Variants in CPEB4 observed in about 807,000 individuals in gnomAD.
CPEB4 encodes cytoplasmic polyadenylation element-binding protein 4.
A neutral mutation model predicts 72.5 loss-of-function variants in CPEB4; 12 were observed. That is an observed-to-expected ratio of 0.17 (90% CI 0.11 to 0.27). The LOEUF (loss-of-function observed/expected upper bound fraction) is 0.27. Among genes scored for constraint, CPEB4 ranks in the 10% least tolerant of loss-of-function variants. CPEB4 has a pLI of 1.00. For synonymous variants in CPEB4, 302 were observed against 326.3 expected, an observed-to-expected ratio of 0.93 and a Z score of 0.80; for missense variants, 614 against 908.5, an observed-to-expected ratio of 0.68 and a Z score of 4.17.
At chr5:173,905,374 C>T (rs142768255) in intron 1 of CPEB4, among the ~76,000 whole-genome samples, 7 of 151,274 alleles carry the variant, frequency 4.6e-5, no homozygotes, top group East Asian at 1.9e-4. Context: ...CTCGCTCTAA[C>T]GCCAGGCTGG....
intron 1 of CPEB4, among the ~76,000 whole-genome samples, chr5:173,901,718 A>G (rs1023937331): frequency 3.3e-5 from 5 of 152,218 alleles, no homozygotes; most frequent in African/African-American, 1.2e-4. Flanking sequence ...AAATGACAGT[A>G]CTGACTTCAT....
At position 173,889,408 on chromosome 5, in the gene CPEB4, A is replaced by C. The variant is rs1755723456; in HGVS notation, c.-326A>C. Reference sequence around the variant, plus strand: ...AGCTCTGTTTTTGTCATTCATGTACATTTTCCTTTGGAAAAAGAAAGCGCC... The same window carrying C: ...AGCTCTGTTTTTGTCATTCATGTACCTTTTCCTTTGGAAAAAGAAAGCGCC... On this transcript the variant is annotated 5_prime_UTR_variant, in exon 1 of 10. Transcript: ENST00000265085. 1 of 209,226 alleles carries C rather than the reference A, an allele frequency of 4.8e-6. No individual in the cohort carries two copies. The highest frequency in any genetic ancestry group is 9.5e-6 in the Non-Finnish European group (1 of 104,910). The allele number at this position is 209,226 out of a possible 1,614,324, so 13.0% of individuals were successfully genotyped here.
At chr5:173,916,316 C>A (rs1401737534) in intron 2 of CPEB4, among the ~76,000 whole-genome samples, 1 of 152,190 alleles carries the variant, frequency 6.6e-6, no homozygotes, top group African/African-American at 2.4e-5. Context: ...CACAATTCCT[C>A]TGAGTTTCAG....
chr5:173,927,261 T>A (rs1757275046), intron 2 of CPEB4, among the ~76,000 whole-genome samples: 1 of 152,198 alleles, frequency 6.6e-6, no homozygotes, highest in African/African-American at 2.4e-5. Flanking sequence ...TTATTATACT[T>A]TACTTATGAA....
Position 173,954,572 on chromosome 5 carries a change from C to T in CPEB4, c.1962+1300C>T, listed in dbSNP as rs183404010. 1.0e-3 allele frequency among the ~76,000 whole-genome samples: 154 copies of T among 152,232 alleles called. 1 individual carries two copies. Among genetic ancestry groups the T allele is most frequent in the Non-Finnish European group, 1.7e-3 (115 of 68,014 alleles). ...ATTTTTAGTGGAGACAGGGTTTCAC[C>T]GTGTTGGTCAGGCCAGTTTCAAACT... On this transcript the variant is annotated intron_variant, in intron 9 of 9. Coordinates refer to ENST00000265085, the MANE Select transcript of CPEB4 (RefSeq NM_030627.4).
chr5:173,916,799 A>G (rs1354148927), intron 2 of CPEB4, among the ~76,000 whole-genome samples: 3 of 152,238 alleles, frequency 2.0e-5, no homozygotes, highest in African/African-American at 7.2e-5. Context: ...AAAGTTTAGT[A>G]CACAAAGCTT....
At chr5:173,913,546 A>G (rs761978255) in intron 2 of CPEB4, among the ~76,000 whole-genome samples, 29 of 152,208 alleles carry the variant, frequency 1.9e-4, no homozygotes, top group Admixed American at 3.9e-4. Context: ...CTTGGCCATC[A>G]GTTTTAGCCA....
At chr5:173,909,533 T>A (rs1325391794) in intron 1 of CPEB4, among the ~76,000 whole-genome samples, 2 of 774 alleles carry the variant, frequency 2.6e-3, no homozygotes, top group African/African-American at 4.1e-3. Flanking sequence ...TCTACGAAAT[T>A]TTTTTTTTTT....
At chr5:173,926,269 T>C (rs115152659) in intron 2 of CPEB4, among the ~76,000 whole-genome samples, 35 of 152,366 alleles carry the variant, frequency 2.3e-4, no homozygotes, top group African/African-American at 8.2e-4. Flanking sequence ...GTAATACTTA[T>C]ATATACTGCT....
intron 5 of CPEB4, among the ~76,000 whole-genome samples, chr5:173,947,620 T>G (rs755548528): frequency 6.6e-6 from 1 of 152,024 alleles, no homozygotes; most frequent in African/African-American, 2.4e-5. Flanking sequence ...GAAAAACCCA[T>G]GAAATGTTGG....
intron 1 of CPEB4, among the ~76,000 whole-genome samples, chr5:173,903,049 T>G (rs1267104440): frequency 2.8e-5 from 4 of 144,514 alleles, no homozygotes; most frequent in East Asian, 3.9e-4. Context: ...AGATATTCCA[T>G]GTAGCTGAAT....
chr5:173,905,010 TAATAATAAA>T (rs150640320), intron 1 of CPEB4, among the ~76,000 whole-genome samples: 23,768 of 133,018 alleles, frequency 0.18, 2,299 homozygotes, highest in Non-Finnish European at 0.22. Context: ...ATAATAATAA[TAATAATAAA>T]AAAATGTAAC....
chr5:173,890,028 A>C lies in CPEB4; in HGVS notation c.295A>C (p.Ser99Arg), dbSNP rs762984580. The C allele has an allele frequency of 6.2e-7, 1 of 1,614,222 alleles. No homozygotes were observed. Among genetic ancestry groups the C allele is most frequent in the Non-Finnish European group, 8.5e-7 (1 of 1,180,030 alleles). ...CTTAGAAAAGCAGCAGCTTTCCCCA[A>C]GTCCAGGTCAGGAAGCTGGAATACT... ...DPLEKQQLSP[S>R]PGQEAGILPE... Residue 99 changes from serine to arginine, a missense_variant, in exon 1 of 10, where the codon AGT (serine) becomes CGT (arginine). Around this residue, in one of 5 missense-constraint regions of CPEB4, gnomAD observed 458 missense variants for 548.6 expected, o/e 0.83. Transcript: ENST00000265085.
rs547833435 is a variant in CPEB4 at position 173,888,413 on chromosome 5, TGGC to T, written c.-1305_-1303del. The T allele has an allele frequency of 1.7e-4, 77 of 443,258 alleles. No homozygotes were observed. Among genetic ancestry groups the T allele is most frequent in the South Asian group, 7.0e-4 (12 of 17,234 alleles). 27.5% of individuals were successfully genotyped at this position (443,258 alleles called of 1,614,324 possible). A position where few individuals can be genotyped will look rare whatever the true frequency, so the allele number is the denominator to read the frequency against. On this transcript the variant is annotated 5_prime_UTR_variant, in exon 1 of 10. Coordinates refer to ENST00000265085, the MANE Select transcript of CPEB4 (RefSeq NM_030627.4). This position sits in a 1 kb window ranked among gnomAD's most constrained non-coding sequence, Gnocchi z 4.3. ...GCGGGACCCGGGCACCGGGAGGCGG[TGGC>T]GGCGGCGGCGGCGGCAGCAGCGGCG... is the stretch of plus-strand genomic sequence containing the variant.
intron 1 of CPEB4, among the ~76,000 whole-genome samples, chr5:173,896,921 A>G (rs1283094186): frequency 2.0e-5 from 3 of 152,198 alleles, no homozygotes; most frequent in Admixed American, 1.3e-4. Flanking sequence ...CACTTTTTCT[A>G]AAATATGATA....
chr5:173,920,898 C>T (rs1757049415), intron 2 of CPEB4, among the ~76,000 whole-genome samples: 3 of 152,166 alleles, frequency 2.0e-5, no homozygotes, highest in Admixed American at 2.0e-4. Flanking sequence ...GTCTAAACTA[C>T]ATCTTTTCTT....
At chr5:173,939,981 G>A (rs778664029) in intron 3 of CPEB4, among the ~76,000 whole-genome samples, 2 of 149,428 alleles carry the variant, frequency 1.3e-5, no homozygotes, top group African/African-American at 2.4e-5. Flanking sequence ...AAAGCTGGAT[G>A]TGGTGGTGTA....
chr5:173,893,367 AG>A (rs1755885546), intron 1 of CPEB4, among the ~76,000 whole-genome samples: 1 of 152,094 alleles, frequency 6.6e-6, no homozygotes, highest in African/African-American at 2.4e-5. Flanking sequence ...CTGTAATCCC[AG>A]CTACTTGGGA....
chr5:173,902,184 G>GGCAGCT (rs1427118176), intron 1 of CPEB4, among the ~76,000 whole-genome samples: 1 of 151,972 alleles, frequency 6.6e-6, no homozygotes, highest in Non-Finnish European at 1.5e-5. Flanking sequence ...TATTTATTTT[G>GGCAGCT]GCAGCTGACA....
Sources: allele counts gnomAD v4.1 joint callset (sites outside exome capture counted in the v4.1 genomes callset), GRCh38; gene constraint gnomAD v4.1.1; regional missense constraint gnomAD v4.1.1; non-coding constraint Gnocchi (gnomAD v3.1); transcripts MANE v1.5; gene names NCBI Gene and HGNC (gene_info 2026-07-23, HGNC 2026-07-21).